GNAQ: variants seen among roughly 807,000 people sequenced by gnomAD.
GNAQ encodes the protein guanine nucleotide-binding protein G(q) subunit alpha.
Under a neutral mutation model 43.9 loss-of-function variants are expected in GNAQ, and 8 were observed. That is an observed-to-expected ratio of 0.18 (90% confidence interval 0.11 to 0.33). The LOEUF is 0.33. Among genes scored for constraint, GNAQ ranks in the 10% least tolerant of loss-of-function variants. The pLI is 1.00. For synonymous variants in GNAQ, 155 were observed against 170.7 expected, an observed-to-expected ratio of 0.91 and a Z score of 0.71; for missense variants, 158 against 450.8, an observed-to-expected ratio of 0.35 and a Z score of 5.88.
Position 77,720,398 on chromosome 9 carries a change from G to A in GNAQ, c.*925C>T, listed in dbSNP as rs1264502262. 2.6e-5 allele frequency: 6 copies of A among 233,300 alleles called. No individual in the cohort carries two copies. The highest frequency in any genetic ancestry group is 1.1e-4 in the African/African-American group (5 of 45,284). 14.5% of individuals were successfully genotyped at this position (233,300 alleles called of 1,614,324 possible). A position where few individuals can be genotyped will look rare whatever the true frequency, so the allele number is the denominator to read the frequency against. ...AAGAAAAAAAAGAAAGGAAAAGCTT[G>A]AACAACAACAACAAAAAAATTAAGA... On this transcript the variant is annotated 3_prime_UTR_variant, in exon 7 of 7. Coordinates refer to ENST00000286548, the MANE Select transcript of GNAQ (RefSeq NM_002072.5).
At chr9:77,737,591 A>T (rs1228549529) in intron 5 of GNAQ, among the ~76,000 whole-genome samples, 1 of 152,228 alleles carries the variant, frequency 6.6e-6, no homozygotes, top group Non-Finnish European at 1.5e-5. Flanking sequence ...CTTATTCAGC[A>T]TCCCAACGTA....
intron 1 of GNAQ, among the ~76,000 whole-genome samples, chr9:77,924,120 T>C (rs1829035725): frequency 6.6e-6 from 1 of 152,186 alleles, no homozygotes; most frequent in Admixed American, 6.5e-5. Flanking sequence ...CTGGAACTCC[T>C]AGAAATATAA....
chr9:77,868,885 G>T (rs11145597), intron 2 of GNAQ, among the ~76,000 whole-genome samples: 14,231 of 152,154 alleles, frequency 0.094, 1,377 homozygotes, highest in African/African-American at 0.21. Flanking sequence ...TACTTGGGAG[G>T]CTGAGGCAAG....
At chr9:77,870,727 T>C (rs954258458) in intron 2 of GNAQ, among the ~76,000 whole-genome samples, 6 of 151,972 alleles carry the variant, frequency 3.9e-5, no homozygotes, top group Non-Finnish European at 8.8e-5. Flanking sequence ...AACTCAAATG[T>C]CCATCAAGAG....
intron 2 of GNAQ, among the ~76,000 whole-genome samples, chr9:77,876,525 T>C (rs761809303): frequency 2.0e-5 from 3 of 152,242 alleles, no homozygotes; most frequent in African/African-American, 7.2e-5. Flanking sequence ...TAATTGTTGT[T>C]GCTGCTGTTT....
At chr9:78,024,737 A>G (rs1032299980) in intron 1 of GNAQ, among the ~76,000 whole-genome samples, 10 of 152,196 alleles carry the variant, frequency 6.6e-5, no homozygotes, top group Non-Finnish European at 1.3e-4. Flanking sequence ...AGACATAAGG[A>G]GCATCTCACA....
chr9:78,021,979 G>A (rs1230165907), intron 1 of GNAQ, among the ~76,000 whole-genome samples: 3 of 152,174 alleles, frequency 2.0e-5, no homozygotes, highest in African/African-American at 7.2e-5. Context: ...GATATGACAG[G>A]AGGTTTCTGA....
At chr9:77,745,445 G>A (rs1377316428) in intron 5 of GNAQ, among the ~76,000 whole-genome samples, 2 of 151,898 alleles carry the variant, frequency 1.3e-5, no homozygotes, top group Admixed American at 1.3e-4. Context: ...AGAGATCAAT[G>A]CAAAAACTTA....
intron 5 of GNAQ, among the ~76,000 whole-genome samples, chr9:77,764,211 A>G (rs1241847798): frequency 6.6e-6 from 1 of 152,208 alleles, no homozygotes; most frequent in Non-Finnish European, 1.5e-5. Flanking sequence ...TCTATATGAT[A>G]CTATGAAACT....
intron 2 of GNAQ, among the ~76,000 whole-genome samples, chr9:77,828,856 G>A (rs940447712): frequency 3.9e-5 from 6 of 152,176 alleles, no homozygotes; most frequent in African/African-American, 1.2e-4. Flanking sequence ...TTCTATAACT[G>A]GAATATTGGA....
At chr9:77,798,294 G>C (rs924614786) in intron 3 of GNAQ, among the ~76,000 whole-genome samples, 2 of 152,138 alleles carry the variant, frequency 1.3e-5, no homozygotes, top group Admixed American at 1.3e-4. Flanking sequence ...TATGATACTT[G>C]ATACTTTTCC....
At chr9:77,999,877 C>T (rs1016167404) in intron 1 of GNAQ, among the ~76,000 whole-genome samples, 1 of 152,028 alleles carries the variant, frequency 6.6e-6, no homozygotes, top group African/African-American at 2.4e-5. Context: ...TATTAGTTCC[C>T]TAGTAGGAAA....
At chr9:78,023,653 T>C (rs1823939276) in intron 1 of GNAQ, among the ~76,000 whole-genome samples, 1 of 150,882 alleles carries the variant, frequency 6.6e-6, no homozygotes, top group African/African-American at 2.4e-5. Context: ...AAAGAAACAA[T>C]AAAAATGAAA....
intron 2 of GNAQ, among the ~76,000 whole-genome samples, chr9:77,891,288 C>G (rs1300638030): frequency 6.6e-6 from 1 of 152,116 alleles, no homozygotes; most frequent in African/African-American, 2.4e-5. Flanking sequence ...ATCTCTTGCT[C>G]TCTTTCGTAG....
At chr9:77,995,859 T>G (rs1185049237) in intron 1 of GNAQ, among the ~76,000 whole-genome samples, 1 of 152,172 alleles carries the variant, frequency 6.6e-6, no homozygotes, top group Non-Finnish European at 1.5e-5. Flanking sequence ...ACACTTCAGT[T>G]TCATAAAATG....
rs907129357 is a variant in GNAQ, at chr9:78,031,466, AGAGGCGGGCGCGG to A, written c.-244_-232del. ...GGATAGTCTGGGCCGACGGGAGAAG[AGAGGCGGGCGCGG>A]GAGGCGGGCGCTGGCTCGGGGGGCG... is the stretch of plus-strand genomic sequence containing the variant. On this transcript the variant is annotated 5_prime_UTR_variant, in exon 1 of 7. Coordinates refer to ENST00000286548, the MANE Select transcript of GNAQ (RefSeq NM_002072.5). 18 of 176,354 alleles carry A rather than the reference AGAGGCGGGCGCGG, an allele frequency of 1.0e-4. No individual in the cohort carries two copies. The highest frequency in any genetic ancestry group is 4.0e-4 in the Admixed American group (6 of 15,188). 10.9% of individuals were successfully genotyped at this position (176,354 alleles called of 1,614,324 possible).
intron 5 of GNAQ, among the ~76,000 whole-genome samples, chr9:77,742,986 G>A (rs1172088913): frequency 4.6e-5 from 7 of 152,134 alleles, no homozygotes; most frequent in East Asian, 1.9e-4. Flanking sequence ...GAGGCTGGGC[G>A]CCGTGGCTCA....
chr9:77,802,267 A>AC (rs1207208116), intron 3 of GNAQ, among the ~76,000 whole-genome samples: 3 of 151,748 alleles, frequency 2.0e-5, no homozygotes, highest in African/African-American at 7.3e-5. Context: ...ATCCCATGCA[A>AC]CCCCCCTCAC....
intron 5 of GNAQ, among the ~76,000 whole-genome samples, chr9:77,743,052 G>C (rs1362582355): frequency 6.6e-6 from 1 of 152,182 alleles, no homozygotes; most frequent in Non-Finnish European, 1.5e-5. Flanking sequence ...AAGGTCAAGA[G>C]ATTGAGACCA....
Sources: allele counts gnomAD v4.1 joint callset (sites outside exome capture counted in the v4.1 genomes callset), GRCh38; gene constraint gnomAD v4.1.1; transcripts MANE v1.5; gene names NCBI Gene and HGNC (gene_info 2026-07-23, HGNC 2026-07-21).